The following STK3 variants were observed in gnomAD, a reference collection of about 807,000 sequenced individuals.
The protein encoded by STK3 is serine/threonine kinase 3.
STK3 carries 41 observed loss-of-function variants against 58.0 expected under a neutral mutation model. The ratio of observed to expected loss-of-function variants is 0.71; its 90% CI spans 0.55 to 0.92. STK3 has a LOEUF of 0.92. Among genes scored for constraint, STK3 ranks in the 40% least tolerant of loss-of-function variants. The pLI is 0.00. For synonymous variants in STK3, 170 were observed against 191.0 expected, an observed-to-expected ratio of 0.89 and a Z score of 0.91; for missense variants, 479 against 602.7, an observed-to-expected ratio of 0.79 and a Z score of 2.15.
chr8:98,346,320 G>C, the STK3 span, among the ~76,000 whole-genome samples: 1 of 151,694 alleles, frequency 6.6e-6, no homozygotes, highest in East Asian at 1.9e-4. Context: ...GAGCATCAGT[G>C]GTGGGACAAC....
intron 10 of STK3, among the ~76,000 whole-genome samples, chr8:98,458,351 C>A (rs1819670546): frequency 6.6e-6 from 1 of 152,162 alleles, no homozygotes; most frequent in Non-Finnish European, 1.5e-5. Flanking sequence ...TGATTTCTTT[C>A]AACAGTGTTT....
At chr8:98,358,745 G>A in the STK3 span, among the ~76,000 whole-genome samples, 1 of 152,114 alleles carries the variant, frequency 6.6e-6, no homozygotes. Flanking sequence ...ATTGTTTTTT[G>A]CTGCAGTGAA....
chr8:98,447,008 G>A (rs1818979966), intron 1 of STK3, among the ~76,000 whole-genome samples: 1 of 152,116 alleles, frequency 6.6e-6, no homozygotes, highest in South Asian at 2.1e-4. Flanking sequence ...AATACCACAT[G>A]TTCTTGCTTA....
intron 1 of STK3, among the ~76,000 whole-genome samples, chr8:98,905,904 C>T (rs1437700281): frequency 3.3e-5 from 5 of 152,120 alleles, no homozygotes; most frequent in African/African-American, 1.2e-4. Context: ...GTGCAGAAAA[C>T]GGAAGTGAGG....
intron 1 of STK3, among the ~76,000 whole-genome samples, chr8:98,442,911 A>C (rs1307372046): frequency 6.6e-6 from 1 of 152,074 alleles, no homozygotes; most frequent in East Asian, 1.9e-4. Context: ...CTATTAAGAT[A>C]TCCCTCAATA....
rs894124156 is a variant in STK3, at chr8:98,428,875, T to C, written n.483+5252A>G. The C allele has an allele frequency of 2.5e-6, 4 of 1,614,214 alleles. No individual in the cohort carries two copies. Among genetic ancestry groups the C allele is most frequent in the Non-Finnish European group, 3.4e-6 (4 of 1,180,042 alleles). Reference sequence around the variant, plus strand: ...GGCAGGGTGGCCCAGGTCCTGAGGCTGATGCGGATCTTCCGCATCTTAAAG... The same window carrying C: ...GGCAGGGTGGCCCAGGTCCTGAGGCCGATGCGGATCTTCCGCATCTTAAAG... On this transcript the variant is annotated intron_variant and non_coding_transcript_variant, in intron 3 of 3. Transcript: ENST00000517832. This position sits in a 1 kb window ranked among gnomAD's most constrained non-coding sequence, Gnocchi z 6.7.
intron 4 of STK3, among the ~76,000 whole-genome samples, chr8:98,727,134 G>C (rs761041116): frequency 1.1e-4 from 17 of 152,112 alleles, no homozygotes; most frequent in Non-Finnish European, 1.8e-4. Flanking sequence ...CCTAGCTCCA[G>C]ATTGAACATA....
intron 1 of STK3, among the ~76,000 whole-genome samples, chr8:98,937,666 T>C (rs994772442): frequency 1.3e-5 from 2 of 152,216 alleles, no homozygotes; most frequent in African/African-American, 4.8e-5. Flanking sequence ...AGAAAACTGT[T>C]GAAAAGGAAT....
intron 3 of STK3, among the ~76,000 whole-genome samples, chr8:98,426,004 C>T (rs1161666614): frequency 6.6e-6 from 1 of 152,140 alleles, no homozygotes. Flanking sequence ...CATTTCTCAG[C>T]TCAGCCCAGT....
chr8:98,656,207 T>C (rs1821499111), intron 6 of STK3, among the ~76,000 whole-genome samples: 2 of 152,004 alleles, frequency 1.3e-5, no homozygotes, highest in African/African-American at 4.8e-5. Context: ...AAATTGGAAA[T>C]CATCATTCTC....
rs1812192748 is a variant in STK3 at position 98,563,109 on chromosome 8, G to GTA, written c.949-14950_949-14949dup. ...AGGTACTAACCTAAGTAACTTTGGAGTAAGTGAACTGTGAATTCTGTTAGA... is the reference window on the plus strand; with the variant it reads ...AGGTACTAACCTAAGTAACTTTGGAGTATAAGTGAACTGTGAATTCTGTTAGA... On this transcript the variant is annotated intron_variant, in intron 8 of 10. Coordinates refer to ENST00000419617, the MANE Select transcript of STK3 (RefSeq NM_006281.4). 2.0e-5 allele frequency among the ~76,000 whole-genome samples: 3 copies of GTA among 151,984 alleles called. No individual in the cohort carries two copies. The South Asian group carries it at 6.2e-4, about 32-fold the overall frequency.
intron 4 of STK3, among the ~76,000 whole-genome samples, chr8:98,747,448 G>C (rs1471291480): frequency 6.6e-6 from 1 of 152,138 alleles, no homozygotes; most frequent in Non-Finnish European, 1.5e-5. Flanking sequence ...AAAGACGACT[G>C]TTAGACTCGT....
At chr8:98,726,677 G>T (rs1193196785) in intron 4 of STK3, among the ~76,000 whole-genome samples, 1 of 152,086 alleles carries the variant, frequency 6.6e-6, no homozygotes, top group East Asian at 1.9e-4. Flanking sequence ...GTAAGAACGG[G>T]CCAGGGACAC....
chr8:98,869,744 C>A (rs768746550), intron 3 of STK3, among the ~76,000 whole-genome samples: 30 of 151,338 alleles, frequency 2.0e-4, no homozygotes, highest in Non-Finnish European at 3.5e-4. Flanking sequence ...ACTTATCATA[C>A]ATTTCAGAAA....
chr8:98,737,699 T>C (rs1019626194), intron 4 of STK3, among the ~76,000 whole-genome samples: 2 of 152,056 alleles, frequency 1.3e-5, no homozygotes, highest in African/African-American at 2.4e-5. Flanking sequence ...ATTTAAAACG[T>C]ATATAATTTT....
At chr8:98,853,796 A>G (rs2131835698) in intron 3 of STK3, among the ~76,000 whole-genome samples, 1 of 152,374 alleles carries the variant, frequency 6.6e-6, no homozygotes, top group African/African-American at 2.4e-5. Context: ...GAATAGAACT[A>G]TATGTCAGAA....
At chr8:98,831,933 A>G (rs760099023) in intron 3 of STK3, among the ~76,000 whole-genome samples, 1 of 152,268 alleles carries the variant, frequency 6.6e-6, no homozygotes, top group African/African-American at 2.4e-5. Flanking sequence ...GGAGTCTAGC[A>G]TAACTATTAG....
intron 6 of STK3, among the ~76,000 whole-genome samples, chr8:98,641,444 C>A (rs1443187989): frequency 6.6e-6 from 1 of 152,132 alleles, no homozygotes; most frequent in Admixed American, 6.6e-5. Context: ...AATATTAAGA[C>A]TTTTATCTTT....
In STK3 at chr8:98,803,597, AAAAAAAAAAAAG is replaced by A. The variant is rs1188473236; in HGVS notation, c.26+21906_26+21917del. On this transcript the variant is annotated intron_variant, in intron 1 of 10. Transcript: ENST00000419617. ...CAACAGAGTGAGACTCTGTTTCAAA[AAAAAAAAAAAAG>A]AAAAAAAAAGAAAAGAAATAGTAAA... Among the ~76,000 whole-genome samples the A allele has an allele frequency of 3.5e-4, 48 of 138,742 alleles. 1 individual carries two copies. Among genetic ancestry groups the A allele is most frequent in the South Asian group, 3.1e-3 (14 of 4,446 alleles). 91.0% of individuals were successfully genotyped at this position (138,742 alleles called of 152,430 possible).
Sources: gnomAD v4.1 joint callset for allele counts (sites outside exome capture counted in the v4.1 genomes callset) on GRCh38, gnomAD v4.1.1 for gene constraint, Gnocchi (gnomAD v3.1) non-coding constraint, MANE v1.5 for transcripts, NCBI Gene and HGNC (gene_info 2026-07-23, HGNC 2026-07-21) for gene names.